FAM227B: variants seen among roughly 807,000 people sequenced by gnomAD.
FAM227B encodes the protein family with sequence similarity 227 member B, also known as protein FAM227B.
A neutral mutation model predicts 73.8 loss-of-function variants in FAM227B; 88 were observed. The ratio of observed to expected loss-of-function variants is 1.19; its 90% CI spans 1.00 to 1.42. The LOEUF is 1.42. FAM227B is among the 40% of genes most tolerant of loss of function. The pLI is 0.00. For synonymous variants in FAM227B, 210 were observed against 190.5 expected (o/e 1.10, Z -0.84); for missense variants, 632 against 590.9 (o/e 1.07, Z -0.72).
intron 11 of FAM227B, among the ~76,000 whole-genome samples, chr15:49,460,174 C>T (rs1433307959): frequency 2.0e-5 from 3 of 152,016 alleles, no homozygotes; most frequent in African/African-American, 4.8e-5. Flanking sequence ...AAAAGTGATA[C>T]TATTTTTCCT....
rs1274348218 is a variant in FAM227B at position 49,489,824 on chromosome 15, A to T, written c.1012+18387T>A. Among the ~76,000 whole-genome samples the T allele has an allele frequency of 4.7e-4, 10 of 21,436 alleles. 1 individual carries two copies. The highest frequency in any genetic ancestry group is 8.5e-4 in the Non-Finnish European group (10 of 11,726). 14.1% of individuals were successfully genotyped at this position (21,436 alleles called of 152,430 possible). On this transcript the variant is annotated intron_variant, in intron 11 of 15. Transcript: ENST00000299338. The stretch of plus-strand genomic sequence containing the variant: ...TATTTTATATATATATATATATTTT[A>T]TATATATATATATATTTTATATATA...
chr15:49,406,429 C>T (rs74012344), intron 11 of FAM227B, among the ~76,000 whole-genome samples: 2,655 of 151,950 alleles, frequency 0.017, 100 homozygotes, highest in African/African-American at 0.061. Flanking sequence ...AGTGTTGGCA[C>T]GGTGTTGGGG....
chr15:49,514,027 T>A (rs1597779615), intron 10 of FAM227B, among the ~76,000 whole-genome samples: 5 of 152,232 alleles, frequency 3.3e-5, no homozygotes, highest in Middle Eastern at 3.4e-3. Context: ...AGTCAGGTAG[T>A]GTGATGCCTC....
intron 11 of FAM227B, among the ~76,000 whole-genome samples, chr15:49,501,708 G>T (rs1355613265): frequency 6.6e-6 from 1 of 152,230 alleles, no homozygotes; most frequent in Non-Finnish European, 1.5e-5. Context: ...ACTTGCTAGA[G>T]AAATTTGCAT....
At chr15:49,487,232 A>G (rs1426114074) in intron 11 of FAM227B, 1 of 151,878 alleles carries the variant, frequency 6.6e-6, no homozygotes, top group Non-Finnish European at 1.5e-5. Context: ...TTATGAATGG[A>G]AAGCTTTGTG....
intron 1 of FAM227B, among the ~76,000 whole-genome samples, chr15:49,619,823 C>T (rs2078557515): frequency 6.6e-6 from 1 of 152,188 alleles, no homozygotes; most frequent in Non-Finnish European, 1.5e-5. Context: ...ATTCACCTTT[C>T]TCCCTAAATC....
intron 5 of FAM227B, among the ~76,000 whole-genome samples, chr15:49,587,507 A>G (rs2076240705): frequency 6.6e-6 from 1 of 152,184 alleles, no homozygotes; most frequent in Non-Finnish European, 1.5e-5. Flanking sequence ...TTAAAAATAA[A>G]GCATTAAATG....
At chr15:49,602,113 A>G (rs147384660) in intron 3 of FAM227B, among the ~76,000 whole-genome samples, 1 of 152,308 alleles carries the variant, frequency 6.6e-6, no homozygotes, top group East Asian at 1.9e-4. Flanking sequence ...CTGGGAGTGC[A>G]GATATCTCTT....
At chr15:49,465,455 G>A (rs1185114792) in intron 11 of FAM227B, among the ~76,000 whole-genome samples, 1 of 151,930 alleles carries the variant, frequency 6.6e-6, no homozygotes, top group East Asian at 1.9e-4. Flanking sequence ...AAGTGTTAAT[G>A]TGTTAGGAGC....
chr15:49,536,999 T>A (rs2070367694), intron 10 of FAM227B, among the ~76,000 whole-genome samples: 2 of 152,070 alleles, frequency 1.3e-5, no homozygotes, highest in Admixed American at 6.6e-5. Context: ...TTCTTGACAC[T>A]GACATATGTG....
intron 11 of FAM227B, among the ~76,000 whole-genome samples, chr15:49,490,449 T>C (rs573194927): frequency 4.6e-5 from 7 of 152,126 alleles, no homozygotes; most frequent in South Asian, 2.1e-4. Flanking sequence ...CCTGTCCTTA[T>C]AGTGGCTAAG....
chr15:49,597,813 A>C (rs2076968535), intron 3 of FAM227B, among the ~76,000 whole-genome samples: 1 of 152,068 alleles, frequency 6.6e-6, no homozygotes, highest in African/African-American at 2.4e-5. Flanking sequence ...ACACAGAGAT[A>C]CAAAAGTTTA....
intron 5 of FAM227B, among the ~76,000 whole-genome samples, chr15:49,584,025 A>G (rs1328572752): frequency 6.6e-6 from 1 of 152,166 alleles, no homozygotes; most frequent in Non-Finnish European, 1.5e-5. Flanking sequence ...GGCCAGCATC[A>G]TCCTGTCACT....
intron 11 of FAM227B, among the ~76,000 whole-genome samples, chr15:49,417,820 T>C (rs2049322202): frequency 6.6e-6 from 1 of 152,042 alleles, no homozygotes; most frequent in Non-Finnish European, 1.5e-5. Context: ...AATTGACAAA[T>C]GGGATCTAAT....
chr15:49,483,523 G>A (rs1567367845), intron 11 of FAM227B, among the ~76,000 whole-genome samples: 1 of 151,948 alleles, frequency 6.6e-6, no homozygotes, highest in Non-Finnish European at 1.5e-5. Flanking sequence ...AAAATTCCAT[G>A]TGCATTTTAG....
At chr15:49,602,352 T>A (rs2077260381) in intron 3 of FAM227B, among the ~76,000 whole-genome samples, 1 of 145,098 alleles carries the variant, frequency 6.9e-6, no homozygotes, top group East Asian at 2.0e-4. Flanking sequence ...TGGGGTGAGA[T>A]TGTATGTCAC....
At chr15:49,518,937 C>T (rs184440097) in intron 10 of FAM227B, among the ~76,000 whole-genome samples, 17 of 152,228 alleles carry the variant, frequency 1.1e-4, no homozygotes, top group African/African-American at 4.1e-4. Context: ...AAGCAAGTCT[C>T]TTCTGACTAT....
intron 10 of FAM227B, among the ~76,000 whole-genome samples, chr15:49,540,232 T>C (rs1354787952): frequency 6.6e-6 from 1 of 152,162 alleles, no homozygotes; most frequent in Non-Finnish European, 1.5e-5. Context: ...TCAGGAACTG[T>C]TGAAGTCCTT....
intron 3 of FAM227B, among the ~76,000 whole-genome samples, chr15:49,610,599 T>G (rs1473595725): frequency 6.6e-6 from 1 of 152,024 alleles, no homozygotes; most frequent in Non-Finnish European, 1.5e-5. Context: ...TACAAACATA[T>G]CTAATTAAAA....
Sources: allele counts gnomAD v4.1 joint callset (sites outside exome capture counted in the v4.1 genomes callset), GRCh38; gene constraint gnomAD v4.1.1; transcripts MANE v1.5; gene names NCBI Gene and HGNC (gene_info 2026-07-23, HGNC 2026-07-21).